The following CNKSR2 variants were observed in gnomAD, a reference collection of about 807,000 sequenced individuals.
The protein encoded by CNKSR2 is CNK homolog protein 2.
Under a neutral mutation model 84.4 loss-of-function variants are expected in CNKSR2, and 14 were observed. That is an observed-to-expected ratio of 0.17 (90% CI 0.11 to 0.26). CNKSR2 has a LOEUF of 0.26. Among genes scored for constraint, CNKSR2 ranks in the 10% least tolerant of loss-of-function variants. The pLI, the probability that CNKSR2 is intolerant of heterozygous loss-of-function variation, is 1.00. For missense variants in CNKSR2, 485 were observed against 771.2 expected (o/e 0.63, Z 4.40); for synonymous variants, 275 against 277.9 (o/e 0.99, Z 0.10).
chrX:21,551,773 C>A (rs2092095096), intron 11 of CNKSR2, among the ~76,000 whole-genome samples: 1 of 111,779 alleles, frequency 8.9e-6, no homozygotes, highest in Non-Finnish European at 1.9e-5. Context: ...GTCTGAGAAA[C>A]CCTGGCTAAC....
At chrX:21,538,379 A>C (rs2091948668) in intron 11 of CNKSR2, 1 of 111,133 alleles carries the variant, frequency 9.0e-6, no homozygotes, top group South Asian at 3.7e-4. Context: ...TGTGTCTTTG[A>C]CTTTTGACAA....
intron 11 of CNKSR2, among the ~76,000 whole-genome samples, chrX:21,558,295 G>C (rs1015870915): frequency 1.8e-5 from 2 of 110,882 alleles, no homozygotes; most frequent in African/African-American, 6.5e-5. Flanking sequence ...TTATTAAGTC[G>C]ACTTCAGTAT....
At chrX:21,623,886 G>GTCCT (rs2092611966) in intron 20 of CNKSR2, among the ~76,000 whole-genome samples, 1 of 111,290 alleles carries the variant, frequency 9.0e-6, no homozygotes, top group Non-Finnish European at 1.9e-5. Flanking sequence ...TACAATTCCA[G>GTCCT]CCAAAATTTA....
chrX:21,526,171 G>A (rs1328969167), intron 9 of CNKSR2, among the ~76,000 whole-genome samples: 1 of 110,809 alleles, frequency 9.0e-6, no homozygotes, highest in Non-Finnish European at 1.9e-5. Context: ...TGCAACTAAA[G>A]ATTATTTTAA....
At chrX:21,378,629 G>T (rs931272158) in intron 1 of CNKSR2, among the ~76,000 whole-genome samples, 3 of 110,629 alleles carry the variant, frequency 2.7e-5, no homozygotes, top group Admixed American at 9.6e-5. Context: ...TTCCTAGTCC[G>T]TGTCACACCC....
chrX:21,595,294 G>A (rs993272799), intron 16 of CNKSR2, 30 bp from the exon 17 acceptor site: 6 of 1,088,029 alleles, frequency 5.5e-6, no homozygotes, highest in Admixed American at 4.8e-5. Flanking sequence ...TTCCCAATTT[G>A]TAATAAATGT....
intron 9 of CNKSR2, among the ~76,000 whole-genome samples, chrX:21,523,193 A>G (rs762556541): frequency 3.6e-4 from 40 of 110,964 alleles, no homozygotes; most frequent in Non-Finnish European, 7.6e-5. Context: ...GACCATTGAC[A>G]TGAAAACTAA....
chrX:21,562,733 A>G (rs1384822253), intron 12 of CNKSR2, among the ~76,000 whole-genome samples: 1 of 111,283 alleles, frequency 9.0e-6, no homozygotes, highest in Non-Finnish European at 1.9e-5. Flanking sequence ...CTGACTACCA[A>G]TTTAAGCATA....
chrX:21,621,690 T>C (rs951549463), intron 20 of CNKSR2, among the ~76,000 whole-genome samples: 1 of 111,081 alleles, frequency 9.0e-6, no homozygotes, highest in Non-Finnish European at 1.9e-5. Flanking sequence ...TATTACAGTA[T>C]CTTTATTCAT....
chrX:21,557,440 A>G (rs920312922), intron 11 of CNKSR2, among the ~76,000 whole-genome samples: 9 of 111,363 alleles, frequency 8.1e-5, no homozygotes, highest in Non-Finnish European at 1.7e-4. Flanking sequence ...CTATAAAAAT[A>G]TTTATCTTTT....
In CNKSR2 at chrX:21,479,866, A is replaced by G. The variant is rs779242787; in HGVS notation, c.561+9059A>G. ...TAAGAGGTCTGGAGAGCATGCTGAG[A>G]TAGCCTCAGGATGGTGATCACTGAG... On this transcript the variant is annotated intron_variant, in intron 5 of 21. Transcript: ENST00000379510. Among the ~76,000 whole-genome samples, 6 of 110,471 alleles carry G rather than the reference A, an allele frequency of 5.4e-5. No homozygotes were observed. The East Asian group carries it at 1.1e-3, about 21-fold the overall frequency.
At chrX:21,415,839 C>T (rs868829083) in intron 1 of CNKSR2, among the ~76,000 whole-genome samples, 3 of 66,128 alleles carry the variant, frequency 4.5e-5, no homozygotes, top group African/African-American at 2.1e-4. Flanking sequence ...TATATACACA[C>T]ACACACACAC....
chrX:21,604,979 C>G (rs1286124564), intron 18 of CNKSR2, among the ~76,000 whole-genome samples: 1 of 111,874 alleles, frequency 8.9e-6, no homozygotes, highest in Non-Finnish European at 1.9e-5. Context: ...CAAATATACC[C>G]AAGAAGATAA....
chrX:21,441,619 A>G (rs990056169), intron 4 of CNKSR2, among the ~76,000 whole-genome samples: 4 of 112,066 alleles, frequency 3.6e-5, no homozygotes, highest in African/African-American at 9.7e-5. Context: ...AAAATAAATT[A>G]CATAGCTTAC....
chrX:21,397,280 G>T (rs931578401), intron 1 of CNKSR2, among the ~76,000 whole-genome samples: 1 of 111,462 alleles, frequency 9.0e-6, no homozygotes, highest in Non-Finnish European at 1.9e-5. Context: ...ATAATTTATT[G>T]TAATTCACTT....
intron 20 of CNKSR2, among the ~76,000 whole-genome samples, chrX:21,639,514 A>T (rs1296632579): frequency 8.9e-6 from 1 of 112,023 alleles, no homozygotes; most frequent in African/African-American, 3.2e-5. Context: ...TAAAAAATTT[A>T]TTTAAAATTT....
At chrX:21,568,105 T>C (rs1239892097) in intron 13 of CNKSR2, among the ~76,000 whole-genome samples, 1 of 110,742 alleles carries the variant, frequency 9.0e-6, no homozygotes, top group Non-Finnish European at 1.9e-5. Flanking sequence ...CTGGACAACA[T>C]GTCAAAACCC....
intron 8 of CNKSR2, among the ~76,000 whole-genome samples, chrX:21,502,231 G>C (rs1261505229): frequency 1.0e-5 from 1 of 98,632 alleles, no homozygotes; most frequent in Non-Finnish European, 2.1e-5. Context: ...TTTTATAATA[G>C]TGGGATTCTG....
intron 3 of CNKSR2, among the ~76,000 whole-genome samples, chrX:21,439,456 C>T (rs1244552220): frequency 9.1e-6 from 1 of 110,134 alleles, no homozygotes; most frequent in African/African-American, 3.3e-5. Flanking sequence ...ATATCAGAAG[C>T]ACTGAATGCT....
Sources: allele counts gnomAD v4.1 joint callset (sites outside exome capture counted in the v4.1 genomes callset), GRCh38; gene constraint gnomAD v4.1.1; transcripts MANE v1.5; gene names NCBI Gene and HGNC (gene_info 2026-07-23, HGNC 2026-07-21).